Variants in MALRD1 observed in about 807,000 individuals in gnomAD.
MALRD1 encodes MAM and LDL receptor class A domain containing 1.
A neutral mutation model predicts 242.1 loss-of-function variants in MALRD1; 247 were observed. The observed-to-expected ratio is 1.02, with a 90% CI of 0.92 to 1.13. The LOEUF (loss-of-function observed/expected upper bound fraction) is 1.13. Among genes scored for constraint, MALRD1 ranks in the 50% most tolerant of loss-of-function variants. The pLI, the probability that MALRD1 is intolerant of heterozygous loss-of-function variation, is 0.00. For missense variants in MALRD1, 2,989 were observed against 2,533.1 expected, an observed-to-expected ratio of 1.18 and a Z score of -3.86; for synonymous variants, 995 against 866.6, an observed-to-expected ratio of 1.15 and a Z score of -2.60.
intron 18 of MALRD1, among the ~76,000 whole-genome samples, chr10:19,217,530 GTC>G (rs1438571883): frequency 3.5e-4 from 46 of 131,542 alleles, no homozygotes; most frequent in Non-Finnish European, 5.0e-4. Flanking sequence ...TTATCATGCA[GTC>G]TTTTTTTTTT....
At chr10:19,131,426 G>A (rs1833100641) in intron 8 of MALRD1, among the ~76,000 whole-genome samples, 2 of 152,070 alleles carry the variant, frequency 1.3e-5, no homozygotes, top group African/African-American at 2.4e-5. Flanking sequence ...CAAGTGTGTA[G>A]CAATTATAGT....
Position 19,209,591 on chromosome 10 carries a change from A to G in MALRD1, c.2902A>G (p.Arg968Gly), listed in dbSNP as rs1836949743. The G allele has an allele frequency of 6.4e-7, 1 of 1,550,852 alleles. No homozygotes were observed. Among genetic ancestry groups the G allele is most frequent in the Non-Finnish European group, 8.7e-7 (1 of 1,147,076 alleles). ...AIYQRIWSDS[R>G]GQLLWQIFGN... ...CTACCAACGAATCTGGAGTGACTCA[A>G]GGGGACAGCTGCTGTGGCAGATATT... Residue 968 changes from arginine to glycine, a missense_variant, in exon 18 of 40, where the codon AGG becomes GGG. By Grantham distance (125) the Arg-to-Gly change is moderately radical. Coordinates refer to ENST00000454679, the MANE Select transcript of MALRD1 (RefSeq NM_001142308.3).
intron 28 of MALRD1, among the ~76,000 whole-genome samples, chr10:19,430,363 C>T (rs888755794): frequency 6.6e-6 from 1 of 151,882 alleles, no homozygotes; most frequent in Non-Finnish European, 1.5e-5. Context: ...GATCCACCCA[C>T]CTCGGCCTCC....
At position 19,715,767 on chromosome 10, in the gene MALRD1, G is replaced by A. The variant is rs113217237; in HGVS notation, c.6315-14939G>A. Among the ~76,000 whole-genome samples, 810 of 152,284 alleles carry A rather than the reference G, an allele frequency of 5.3e-3. 3 individuals carry two copies. The highest frequency in any genetic ancestry group is 0.016 in the African/African-American group (683 of 41,550). ...GCCTCAGGCAACTTACAATCATGGCGGAAGGCAAAGGGGAAACTGGTGCAT... is the reference window on the plus strand; with the variant it reads ...GCCTCAGGCAACTTACAATCATGGCAGAAGGCAAAGGGGAAACTGGTGCAT... On this transcript the variant is annotated intron_variant, in intron 38 of 39. Transcript: ENST00000454679.
Position 19,709,434 on chromosome 10 carries a change from T to G in MALRD1, c.6314+16880T>G, listed in dbSNP as rs143568081. Among the ~76,000 whole-genome samples, 20 of 152,090 alleles carry G rather than the reference T, an allele frequency of 1.3e-4. No individual in the cohort carries two copies. The East Asian group carries it at 3.5e-3, about 27-fold the overall frequency. The stretch of plus-strand genomic sequence containing the variant: ...CAAGATTCTGTCTAAATACGTATTA[T>G]TTTTCATTATACCTTTAATATGAAA... On this transcript the variant is annotated intron_variant, in intron 38 of 39. Coordinates refer to ENST00000454679, the MANE Select transcript of MALRD1 (RefSeq NM_001142308.3).
At chr10:19,087,713 C>T (rs1034679230) in intron 2 of MALRD1, 127 bp from the exon 3 acceptor site, 2 of 433,752 alleles carry the variant, frequency 4.6e-6, no homozygotes, top group African/African-American at 4.1e-5. Flanking sequence ...CAATCACGCT[C>T]TTTTAGTTAT....
intron 24 of MALRD1, among the ~76,000 whole-genome samples, chr10:19,339,249 T>C (rs1027140353): frequency 1.3e-5 from 2 of 152,164 alleles, no homozygotes; most frequent in African/African-American, 4.8e-5. Flanking sequence ...TTAAAGTTTC[T>C]ATTTCTGAGG....
intron 29 of MALRD1, among the ~76,000 whole-genome samples, chr10:19,487,683 C>T (rs1837297217): frequency 6.6e-6 from 1 of 152,014 alleles, no homozygotes; most frequent in African/African-American, 2.4e-5. Flanking sequence ...CCACATACTG[C>T]CCTAGGGTTA....
intron 13 of MALRD1, among the ~76,000 whole-genome samples, chr10:19,173,363 A>T (rs966336705): frequency 6.6e-6 from 1 of 152,138 alleles, no homozygotes; most frequent in Admixed American, 6.6e-5. Context: ...ATTCACATGT[A>T]AGTTCTTTCC....
intron 28 of MALRD1, among the ~76,000 whole-genome samples, chr10:19,400,623 T>C (rs554113262): frequency 1.3e-5 from 2 of 152,210 alleles, no homozygotes; most frequent in African/African-American, 2.4e-5. Flanking sequence ...TTCAATATTA[T>C]AAGAATTAAA....
At chr10:19,199,272 T>C (rs1331569198) in intron 14 of MALRD1, among the ~76,000 whole-genome samples, 1 of 152,232 alleles carries the variant, frequency 6.6e-6, no homozygotes, top group African/African-American at 2.4e-5. Context: ...TGTCCCGTGG[T>C]CATACATGTT....
chr10:19,490,515 G>GGGA (rs1177268494), intron 29 of MALRD1, among the ~76,000 whole-genome samples: 2 of 126,094 alleles, frequency 1.6e-5, no homozygotes, highest in African/African-American at 5.5e-5. Flanking sequence ...GCGGGGGGGG[G>GGGA]GCAGGGTTAT....
intron 18 of MALRD1, among the ~76,000 whole-genome samples, chr10:19,238,513 G>GTGTAATA (rs1838568753): frequency 3.0e-5 from 1 of 33,024 alleles, no homozygotes; most frequent in African/African-American, 1.9e-4. Flanking sequence ...AATATATAAT[G>GTGTAATA]TATATTATAT....
chr10:19,695,301 A>G (rs920648467), intron 38 of MALRD1, among the ~76,000 whole-genome samples: 8 of 152,136 alleles, frequency 5.3e-5, no homozygotes, highest in Non-Finnish European at 1.2e-4. Context: ...TAGATTTGCC[A>G]TTACTGGTGG....
At chr10:19,179,998 G>C (rs1835434468) in intron 14 of MALRD1, among the ~76,000 whole-genome samples, 1 of 152,136 alleles carries the variant, frequency 6.6e-6, no homozygotes, top group Non-Finnish European at 1.5e-5. Flanking sequence ...AAAAAAAGAA[G>C]GTTGTCTGTT....
At chr10:19,133,321 A>G (rs1833188780) in intron 8 of MALRD1, among the ~76,000 whole-genome samples, 1 of 152,222 alleles carries the variant, frequency 6.6e-6, no homozygotes, top group Non-Finnish European at 1.5e-5. Context: ...TAGAATGACC[A>G]AATTAAGAAT....
chr10:19,587,366 G>A (rs12249318), intron 33 of MALRD1, among the ~76,000 whole-genome samples: 4,323 of 152,240 alleles, frequency 0.028, 163 homozygotes, highest in African/African-American at 0.09. Context: ...ATATCACTGC[G>A]TATGACAATG....
intron 36 of MALRD1, among the ~76,000 whole-genome samples, chr10:19,653,771 T>C (rs1840999899): frequency 6.6e-6 from 1 of 152,186 alleles, no homozygotes; most frequent in African/African-American, 2.4e-5. Context: ...TTCAGAGTAA[T>C]ATCAAAGTTA....
At chr10:19,620,243 G>C (rs1190369584) in intron 36 of MALRD1, among the ~76,000 whole-genome samples, 1 of 151,784 alleles carries the variant, frequency 6.6e-6, no homozygotes, top group African/African-American at 2.4e-5. Flanking sequence ...CAGAGGTGTG[G>C]TGTACAGATT....
Sources: gnomAD v4.1 joint callset for allele counts (sites outside exome capture counted in the v4.1 genomes callset) on GRCh38, gnomAD v4.1.1 for gene constraint, MANE v1.5 for transcripts, NCBI Gene and HGNC (gene_info 2026-07-23, HGNC 2026-07-21) for gene names.